TNFRSF11A: variants seen among roughly 807,000 people sequenced by gnomAD.
The protein encoded by TNFRSF11A is tumor necrosis factor receptor superfamily member 11A.
TNFRSF11A carries 32 observed loss-of-function variants against 55.7 expected under a neutral mutation model. The observed-to-expected ratio is 0.57, with a 90% CI of 0.43 to 0.77. TNFRSF11A has a LOEUF of 0.77. Ranked by LOEUF, TNFRSF11A falls within the 30% of genes least tolerant of loss-of-function variation. The pLI, the probability that TNFRSF11A is intolerant of heterozygous loss-of-function variation, is 0.00. For missense variants in TNFRSF11A, 753 were observed against 809.8 expected, an observed-to-expected ratio of 0.93 and a Z score of 0.85; for synonymous variants, 311 against 331.0, an observed-to-expected ratio of 0.94 and a Z score of 0.65.
chr18:62,348,397 A>G (rs1308845638), intron 2 of TNFRSF11A, 148 bp downstream of exon 2: 2 of 721,746 alleles, frequency 2.8e-6, no homozygotes, highest in Non-Finnish European at 4.9e-6. Context: ...TGAAGACAAA[A>G]ATCTTTCTCT....
chr18:62,351,002 CTTTTTTTT>C (rs71160826), intron 3 of TNFRSF11A, among the ~76,000 whole-genome samples: 1 of 122,678 alleles, frequency 8.2e-6, no homozygotes, highest in Non-Finnish European at 1.7e-5. Flanking sequence ...TTTTTTCTTT[CTTTTTTTT>C]TTTTTTTTTT....
chr18:62,331,078 C>T (rs28755780), intron 1 of TNFRSF11A, among the ~76,000 whole-genome samples: 8,240 of 152,132 alleles, frequency 0.054, 350 homozygotes, highest in East Asian at 0.13. Flanking sequence ...AGGGTACATG[C>T]CTGTAATCCC....
chr18:62,358,624 T>C (rs1259496331), intron 5 of TNFRSF11A, among the ~76,000 whole-genome samples: 2 of 152,256 alleles, frequency 1.3e-5, no homozygotes, highest in Non-Finnish European at 2.9e-5. Context: ...GAAAATGATT[T>C]ATAACATTTA....
intron 1 of TNFRSF11A, among the ~76,000 whole-genome samples, chr18:62,331,467 C>A (rs1198791126): frequency 1.3e-5 from 2 of 152,116 alleles, no homozygotes; most frequent in Admixed American, 1.3e-4. Flanking sequence ...GTTCATTAGA[C>A]CCTGTAGAGG....
intron 1 of TNFRSF11A, among the ~76,000 whole-genome samples, chr18:62,347,276 C>T (rs2046397385): frequency 6.6e-6 from 1 of 152,226 alleles, no homozygotes; most frequent in Non-Finnish European, 1.5e-5. Flanking sequence ...TCTTCAGTTT[C>T]TGACATGACT....
At chr18:62,348,349 C>A in intron 2 of TNFRSF11A, 100 bp downstream of exon 2, 1 of 1,052,138 alleles carries the variant, frequency 9.5e-7, no homozygotes, top group Non-Finnish European at 1.5e-6. Context: ...ATTGGATAGA[C>A]GCGTTATGGT....
chr18:62,369,591 C>T, intron 9 of TNFRSF11A, 107 bp downstream of exon 9: 3 of 1,405,470 alleles, frequency 2.1e-6, no homozygotes, highest in East Asian at 2.4e-5. Flanking sequence ...ATGGGAAAAC[C>T]TCAGCTTGTG....
intron 1 of TNFRSF11A, among the ~76,000 whole-genome samples, chr18:62,346,532 AC>A: frequency 6.6e-6 from 1 of 152,300 alleles, no homozygotes; most frequent in East Asian, 1.9e-4. Flanking sequence ...GATGTGTGTT[AC>A]CCGGTGTCCA....
chr18:62,348,357 G>T (rs946176301), intron 2 of TNFRSF11A, 108 bp downstream of exon 2: 24 of 898,890 alleles, frequency 2.7e-5, no homozygotes, highest in Non-Finnish European at 4.3e-5. Flanking sequence ...GACGCGTTAT[G>T]GTAGTGGCAG....
At chr18:62,327,497 A>T (rs999012601) in intron 1 of TNFRSF11A, among the ~76,000 whole-genome samples, 7 of 152,204 alleles carry the variant, frequency 4.6e-5, no homozygotes, top group Admixed American at 1.3e-4. Flanking sequence ...GTGAGACTAG[A>T]TGCAGCCTTA....
At chr18:62,370,469 A>G (rs1910465961) in intron 9 of TNFRSF11A, among the ~76,000 whole-genome samples, 1 of 152,178 alleles carries the variant, frequency 6.6e-6, no homozygotes, top group African/African-American at 2.4e-5. Flanking sequence ...TTCTTTATTT[A>G]GACTGCAAGT....
chr18:62,334,847 A>C (rs1404697922), intron 1 of TNFRSF11A, among the ~76,000 whole-genome samples: 1 of 152,166 alleles, frequency 6.6e-6, no homozygotes, highest in Non-Finnish European at 1.5e-5. Context: ...AGGAGACACT[A>C]GCGGGGTTTA....
At position 62,368,768 on chromosome 18, in the gene TNFRSF11A, G is replaced by T; in HGVS notation, c.851G>T (p.Gly284Val). The change falls in exon 9 of 10, where the codon GGT (glycine) becomes GTT (valine). Residue 284 changes from glycine to valine, a missense_variant. Coordinates refer to ENST00000586569, the MANE Select transcript of TNFRSF11A (RefSeq NM_003839.4). ...ANFGQQGACE[G>V]VLLLTLEEKT... is the part of the protein sequence containing the mutation. ...TTTGGTCAGCAGGGAGCATGTGAAG[G>T]TGTCTTACTGCTGACTCTGGAGGAG... 6.2e-7 allele frequency: 1 copy of T among 1,614,224 alleles called. No individual in the cohort carries two copies. Among genetic ancestry groups the T allele is most frequent in the Non-Finnish European group, 8.5e-7 (1 of 1,180,048 alleles).
At chr18:62,337,634 A>G (rs549236217) in intron 1 of TNFRSF11A, among the ~76,000 whole-genome samples, 25 of 152,326 alleles carry the variant, frequency 1.6e-4, no homozygotes, top group African/African-American at 5.5e-4. Flanking sequence ...GGCTTTAAGC[A>G]GGACTCCACT....
Position 62,325,860 on chromosome 18 carries a change from C to T in TNFRSF11A, c.75+433C>T, listed in dbSNP as rs1286353064. ...GGGTGGCCTCCGTCCCAAATTTCCA[C>T]CCGGAAAGAGACATGATTCCCTCCG... On this transcript the variant is annotated intron_variant, in intron 1 of 9. Coordinates refer to ENST00000586569, the MANE Select transcript of TNFRSF11A (RefSeq NM_003839.4). The surrounding 1 kb of genome is among the most constrained non-coding windows in gnomAD (Gnocchi z 4.7). 6.6e-6 allele frequency among the ~76,000 whole-genome samples: 1 copy of T among 152,244 alleles called. No homozygotes were observed. Among genetic ancestry groups the T allele is most frequent in the Non-Finnish European group, 1.5e-5 (1 of 68,030 alleles).
chr18:62,340,246 T>C (rs1157603974), intron 1 of TNFRSF11A, among the ~76,000 whole-genome samples: 1 of 151,798 alleles, frequency 6.6e-6, no homozygotes, highest in African/African-American at 2.4e-5. Context: ...TGAAACAGGG[T>C]CTCACTCTGT....
chr18:62,376,142 A>G (rs989115723), intron 9 of TNFRSF11A, among the ~76,000 whole-genome samples: 3 of 152,172 alleles, frequency 2.0e-5, no homozygotes, highest in African/African-American at 7.2e-5. Context: ...GAGGGACAGT[A>G]GGATGCACAG....
intron 1 of TNFRSF11A, among the ~76,000 whole-genome samples, chr18:62,332,888 G>A (rs758790882): frequency 3.9e-5 from 6 of 152,164 alleles, no homozygotes; most frequent in Non-Finnish European, 5.9e-5. Context: ...GGGGAAGGTC[G>A]GATGTCCCAT....
rs567385237 is a variant in TNFRSF11A, at chr18:62,325,727, A to C, written c.75+300A>C. 6.6e-6 allele frequency among the ~76,000 whole-genome samples: 1 copy of C among 152,282 alleles called. No individual in the cohort carries two copies. The highest frequency in any genetic ancestry group is 2.1e-4 in the South Asian group (1 of 4,830). ...GGCTTTGATGCTGTCATTTTCTCCAAATGCTTCTTGAGCACCTACTAAGCG... is the reference window on the plus strand; with the variant it reads ...GGCTTTGATGCTGTCATTTTCTCCACATGCTTCTTGAGCACCTACTAAGCG... On this transcript the variant is annotated intron_variant, in intron 1 of 9. Coordinates refer to ENST00000586569, the MANE Select transcript of TNFRSF11A (RefSeq NM_003839.4). This position sits in a 1 kb window ranked among gnomAD's most constrained non-coding sequence, Gnocchi z 4.7.
Sources: gnomAD v4.1 joint callset for allele counts (sites outside exome capture counted in the v4.1 genomes callset) on GRCh38, gnomAD v4.1.1 for gene constraint, Gnocchi (gnomAD v3.1) non-coding constraint, MANE v1.5 for transcripts, NCBI Gene and HGNC (gene_info 2026-07-23, HGNC 2026-07-21) for gene names.